The following CGGBP1 variants were observed in gnomAD, a reference collection of about 807,000 sequenced individuals.
The protein encoded by CGGBP1 is CGG triplet repeat binding protein 1, also known as CGG triplet repeat-binding protein 1.
CGGBP1 carries 4 observed loss-of-function variants against 11.4 expected under a neutral mutation model. The observed-to-expected ratio is 0.35, with a 90% CI of 0.17 to 0.80. CGGBP1 has a LOEUF of 0.80. Among genes scored for constraint, CGGBP1 ranks in the 30% least tolerant of loss-of-function variants. The probability of loss-of-function intolerance (pLI) is 0.52; values close to 1 mark genes in which losing one functional copy is unlikely to be tolerated. For missense variants in CGGBP1, 135 were observed against 202.1 expected, an observed-to-expected ratio of 0.67 and a Z score of 2.01; for synonymous variants, 76 against 74.1, an observed-to-expected ratio of 1.03 and a Z score of -0.13.
At chr3:88,074,344 C>CTT (rs60776911) in intron 2 of CGGBP1, among the ~76,000 whole-genome samples, 106,020 of 137,460 alleles carry the variant, frequency 0.77, 42,007 homozygotes, top group South Asian at 0.89. Context: ...TTATATCTTA[C>CTT]TTTTTTTTTT....
intron 2 of CGGBP1, among the ~76,000 whole-genome samples, chr3:88,089,869 G>A (rs1708542436): frequency 6.6e-6 from 1 of 152,154 alleles, no homozygotes; most frequent in Non-Finnish European, 1.5e-5. Flanking sequence ...GTCATGCGCT[G>A]CATAAAGATG....
At chr3:88,059,734 G>A (rs111434653), upstream of CGGBP1, among the ~76,000 whole-genome samples, 3,146 of 152,138 alleles carry the variant, frequency 0.021, 60 homozygotes, top group South Asian at 0.066. Flanking sequence ...GTTTGTCGGG[G>A]ATGGAGGGGC....
chr3:88,078,390 G>A (rs961842875), intron 2 of CGGBP1, among the ~76,000 whole-genome samples: 1 of 152,162 alleles, frequency 6.6e-6, no homozygotes, highest in African/African-American at 2.4e-5. Flanking sequence ...AAACAGGTAG[G>A]GAAAGCTGGT....
At chr3:88,066,523 G>A (rs1707207061) in intron 2 of CGGBP1, among the ~76,000 whole-genome samples, 1 of 151,930 alleles carries the variant, frequency 6.6e-6, no homozygotes, top group Non-Finnish European at 1.5e-5. Context: ...GCAGTCAGCT[G>A]AGATCTCCAG....
intron 2 of CGGBP1, chr3:88,135,101 A>G: frequency 6.8e-7 from 1 of 1,478,010 alleles, no homozygotes; most frequent in South Asian, 1.4e-5. Flanking sequence ...GCTTAAATCT[A>G]ATCCTTCAAA....
At chr3:88,140,941 T>G in intron 2 of CGGBP1, 1 of 1,613,496 alleles carries the variant, frequency 6.2e-7, no homozygotes. Context: ...GTGAAAAGAT[T>G]AAGATGTGGC....
Position 88,141,688 on chromosome 3 carries a change from T to C in CGGBP1, c.-337-610A>G, listed in dbSNP as rs373406900. 6.8e-6 allele frequency: 10 copies of C among 1,470,664 alleles called. No homozygotes were observed. The African/African-American group carries it at 1.4e-4, about 20-fold the overall frequency. The allele number at this position is 1,470,664 out of a possible 1,614,324, so 91.1% of individuals were successfully genotyped here. ...TCAGAAAGATCTGTCAATCAAGCAGTAGTGTGAAAAAAGCACTATAAGAAA... is the reference window on the plus strand; with the variant it reads ...TCAGAAAGATCTGTCAATCAAGCAGCAGTGTGAAAAAAGCACTATAAGAAA... On this transcript the variant is annotated intron_variant, in intron 1 of 3. Coordinates refer to the CGGBP1 transcript ENST00000462901.
At chr3:88,059,390 CGCTGGGCCCTGTGGG>C, upstream of CGGBP1, 1 of 1,535,258 alleles carries the variant, frequency 6.5e-7, no homozygotes, top group South Asian at 1.2e-5. Context: ...GTGGAGTCCC[CGCTGGGCCCTGTGGG>C]GCTTAGAGCT....
intron 2 of CGGBP1, among the ~76,000 whole-genome samples, chr3:88,118,734 G>A (rs1413934225): frequency 2.0e-5 from 3 of 152,064 alleles, no homozygotes; most frequent in African/African-American, 4.8e-5. Context: ...TTTTTGAGGC[G>A]AATTTTCAAA....
upstream of CGGBP1, chr3:88,059,193 A>T: frequency 1.4e-6 from 2 of 1,436,200 alleles, no homozygotes; most frequent in Non-Finnish European, 1.8e-6. Context: ...AGCCCAGCCG[A>T]GAGGCCCCTG....
chr3:88,069,205 T>C (rs1707367816), intron 2 of CGGBP1, among the ~76,000 whole-genome samples: 1 of 152,172 alleles, frequency 6.6e-6, no homozygotes, highest in African/African-American at 2.4e-5. Flanking sequence ...GTAGATTACC[T>C]GAGTCCAGGA....
intron 2 of CGGBP1, among the ~76,000 whole-genome samples, chr3:88,100,801 G>T (rs946822810): frequency 1.3e-5 from 2 of 152,084 alleles, no homozygotes; most frequent in African/African-American, 4.8e-5. Context: ...CACACAGCGG[G>T]GCCTGTCATG....
chr3:88,140,632 T>C (rs776969855), intron 2 of CGGBP1: 31 of 1,613,642 alleles, frequency 1.9e-5, no homozygotes, highest in Non-Finnish European at 2.6e-5. Context: ...CAAACACCTT[T>C]AGTTTCATCA....
intron 2 of CGGBP1, among the ~76,000 whole-genome samples, chr3:88,091,772 C>T (rs1172663465): frequency 6.6e-6 from 1 of 152,190 alleles, no homozygotes; most frequent in East Asian, 1.9e-4. Flanking sequence ...TTCCCCTGCA[C>T]ATGCTCTCTT....
chr3:88,094,193 G>T (rs1253639024), intron 2 of CGGBP1, among the ~76,000 whole-genome samples: 1 of 151,568 alleles, frequency 6.6e-6, no homozygotes, highest in Non-Finnish European at 1.5e-5. Flanking sequence ...TTACACTAGA[G>T]TATTTTGTTT....
chr3:88,105,950 C>G (rs913713130), intron 2 of CGGBP1, among the ~76,000 whole-genome samples: 2 of 152,164 alleles, frequency 1.3e-5, no homozygotes, highest in African/African-American at 4.8e-5. Flanking sequence ...AATTTGGCCT[C>G]TTTTTGCTGC....
chr3:88,072,340 A>G (rs1707561471), intron 2 of CGGBP1, among the ~76,000 whole-genome samples: 1 of 152,184 alleles, frequency 6.6e-6, no homozygotes, highest in Non-Finnish European at 1.5e-5. Flanking sequence ...TTTTAAAGGT[A>G]TGAGTGAGGC....
At chr3:88,087,957 C>T (rs983990956) in intron 2 of CGGBP1, among the ~76,000 whole-genome samples, 4 of 152,078 alleles carry the variant, frequency 2.6e-5, no homozygotes, top group Non-Finnish European at 4.4e-5. Context: ...CTCATTGGAA[C>T]GTTACAGATT....
chr3:88,061,633 T>C (rs1274612018), upstream of CGGBP1, among the ~76,000 whole-genome samples: 6 of 152,186 alleles, frequency 3.9e-5, no homozygotes, highest in Non-Finnish European at 8.8e-5. Context: ...AATAAAATAT[T>C]CCTTTATTAA....
Sources: allele counts gnomAD v4.1 joint callset (sites outside exome capture counted in the v4.1 genomes callset), GRCh38; gene constraint gnomAD v4.1.1; transcripts MANE v1.5; gene names NCBI Gene and HGNC (gene_info 2026-07-23, HGNC 2026-07-21).